CCDC144A: variants seen among roughly 807,000 people sequenced by gnomAD.
CCDC144A encodes the protein coiled-coil domain containing 144A.
A neutral mutation model predicts 143.8 loss-of-function variants in CCDC144A; 41 were observed. The observed-to-expected ratio is 0.29, with a 90% CI of 0.22 to 0.37. CCDC144A has a LOEUF of 0.37. Ranked by LOEUF, CCDC144A falls within the 10% of genes least tolerant of loss-of-function variation. The pLI is 1.00. For synonymous variants in CCDC144A, 242 were observed against 517.9 expected, an observed-to-expected ratio of 0.47 and a Z score of 7.23; for missense variants, 637 against 1,488.8, an observed-to-expected ratio of 0.43 and a Z score of 9.41.
At chr17:16,718,234 C>T (rs1431814395) in intron 6 of CCDC144A, among the ~76,000 whole-genome samples, 6 of 152,038 alleles carry the variant, frequency 3.9e-5, no homozygotes, top group Admixed American at 1.3e-4. Flanking sequence ...AGCATAGATA[C>T]CCCTTGAGGG....
chr17:16,690,676 C>T lies in CCDC144A; in HGVS notation c.276C>T (p.Asp92=). The change falls in exon 1 of 17, where the codon GAC becomes GAT. Residue 92 remains aspartate, a synonymous_variant. Coordinates refer to ENST00000399273, the MANE Select transcript of CCDC144A (RefSeq NM_001382000.1). ...GELHRAARSG[D]VPGVEHILAP... ...TCCACAGAGCTGCCCGGTCGGGCGACGTCCCTGGGGTGGAGCACATCTTAG... is the reference window on the plus strand; with the variant it reads ...TCCACAGAGCTGCCCGGTCGGGCGATGTCCCTGGGGTGGAGCACATCTTAG... The T allele has an allele frequency of 1.9e-6, 3 of 1,613,802 alleles. 1 individual carries two copies. In the South Asian group the frequency reaches 3.3e-5, roughly 18 times the overall value.
chr17:16,729,987 T>TATAG (rs1555533329), intron 9 of CCDC144A, among the ~76,000 whole-genome samples: 2 of 122,738 alleles, frequency 1.6e-5, no homozygotes, highest in Non-Finnish European at 3.6e-5. Context: ...TATATATATA[T>TATAG]ATATACACAC....
At chr17:16,684,071 G>C in the CCDC144A span, 1 of 909,394 alleles carries the variant, frequency 1.1e-6, no homozygotes, top group Non-Finnish European at 1.9e-6. Flanking sequence ...CAATAAACTG[G>C]TTCTGTATAC....
At chr17:16,682,894 T>TG in the CCDC144A span, among the ~76,000 whole-genome samples, 4 of 108,126 alleles carry the variant, frequency 3.7e-5, no homozygotes, top group East Asian at 2.5e-4. Flanking sequence ...TTTTTTTTTT[T>TG]TTTTTTTTTT....
chr17:16,690,368 G>T lies in CCDC144A; in HGVS notation c.-33G>T, dbSNP rs760778514. On this transcript the variant is annotated 5_prime_UTR_variant, in exon 1 of 17. Transcript: ENST00000399273. ...TTGGAAACCGCGGGCTATCCTGCTGGGAGGTTGTGGCCGAGGCAGTAGCTC... is the reference window on the plus strand; with the variant it reads ...TTGGAAACCGCGGGCTATCCTGCTGTGAGGTTGTGGCCGAGGCAGTAGCTC... 5 of 1,466,700 alleles carry T rather than the reference G, an allele frequency of 3.4e-6. No individual in the cohort carries two copies. In the African/African-American group the frequency reaches 5.7e-5, roughly 17 times the overall value. 90.9% of individuals were successfully genotyped at this position (1,466,700 alleles called of 1,614,324 possible). A position where few individuals can be genotyped will look rare whatever the true frequency, so the allele number is the denominator to read the frequency against.
At chr17:16,682,048 A>G in the CCDC144A span, among the ~76,000 whole-genome samples, 29 of 152,234 alleles carry the variant, frequency 1.9e-4, 1 homozygote, top group Admixed American at 1.6e-3. Context: ...ATTTCCCCCA[A>G]GAAATGTCTG....
Position 16,720,613 on chromosome 17 carries a change from G to C in CCDC144A, c.1846G>C (p.Glu616Gln), listed in dbSNP as rs781022499. The C allele has an allele frequency of 3.9e-5, 63 of 1,601,296 alleles. No individual in the cohort carries two copies. Among genetic ancestry groups the C allele is most frequent in the Non-Finnish European group, 3.9e-5 (46 of 1,174,258 alleles). Residue 616 changes from glutamate (E) to glutamine (Q), a missense_variant, in exon 8 of 17, where the codon GAG becomes CAG. Glu to Gln is a conservative substitution (Grantham distance 29). Coordinates refer to ENST00000399273, the MANE Select transcript of CCDC144A (RefSeq NM_001382000.1). ...TTGTGAATTGTCTCACTCTGTTTATGAGAATTTTATGTTGCTGATTGAACA... is the reference window on the plus strand; with the variant it reads ...TTGTGAATTGTCTCACTCTGTTTATCAGAATTTTATGTTGCTGATTGAACA... Reference protein sequence around the residue: ...EDCELSHSVYENFMLLIEQLR... With the variant: ...EDCELSHSVYQNFMLLIEQLR...
intron 15 of CCDC144A, chr17:16,766,930 A>T (rs1392049508): frequency 6.6e-6 from 1 of 152,090 alleles, no homozygotes; most frequent in African/African-American, 2.4e-5. Context: ...AGGCATACCT[A>T]GTTTCCTTGT....
intron 6 of CCDC144A, among the ~76,000 whole-genome samples, chr17:16,716,323 TTG>T (rs1912752185): frequency 6.6e-6 from 1 of 152,046 alleles, no homozygotes. Context: ...TGGGAAATGT[TTG>T]TCTCTTTGTT....
rs144911757 is a variant in CCDC144A at position 16,752,222 on chromosome 17, G to A, written c.3373-9203G>A. Among the ~76,000 whole-genome samples, 1,054 of 152,318 alleles carry A rather than the reference G, an allele frequency of 6.9e-3. 18 individuals are homozygous for A. Among genetic ancestry groups the A allele is most frequent in the African/African-American group, 0.024 (1,006 of 41,564 alleles). On this transcript the variant is annotated intron_variant, in intron 12 of 16. Transcript: ENST00000399273. ...TTCTCATAGGAGCGCGAGCCGTGTTGTGAACTGTGCACGTGAGGGATCTAG... is the reference window on the plus strand; with the variant it reads ...TTCTCATAGGAGCGCGAGCCGTGTTATGAACTGTGCACGTGAGGGATCTAG...
chr17:16,768,591 T>A (rs1915701637), intron 15 of CCDC144A, among the ~76,000 whole-genome samples: 1 of 152,282 alleles, frequency 6.6e-6, no homozygotes. Context: ...TGATTTTTAC[T>A]TATAGGTTTC....
chr17:16,681,674 C>A, the CCDC144A span, among the ~76,000 whole-genome samples: 1 of 151,914 alleles, frequency 6.6e-6, no homozygotes, highest in Admixed American at 6.6e-5. Flanking sequence ...GTCTGGCCAA[C>A]ATGGAGAAAC....
chr17:16,682,903 T>TGG, the CCDC144A span, among the ~76,000 whole-genome samples: 1 of 117,008 alleles, frequency 8.5e-6, no homozygotes, highest in African/African-American at 3.3e-5. Flanking sequence ...TTTTTTTTTT[T>TGG]TTTTTTTTTT....
chr17:16,721,104 C>A (rs987901448), intron 8 of CCDC144A, among the ~76,000 whole-genome samples: 2 of 152,146 alleles, frequency 1.3e-5, no homozygotes, highest in African/African-American at 4.8e-5. Flanking sequence ...AGATCTGAAT[C>A]CTCTAGCTTT....
rs1169604954 is a variant in CCDC144A, at chr17:16,764,001, T to G, written c.3924T>G (p.Leu1308=). Residue 1308 remains leucine, a synonymous_variant, in exon 15 of 17, where the codon CTT becomes CTG. Coordinates refer to ENST00000399273, the MANE Select transcript of CCDC144A (RefSeq NM_001382000.1). ...TGATAGCAGAGGTCAGTACGCAACT[T>G]ACTGTGGAGAAAGAGCAGACCAGAT... ...NEMIAEVSTQ[L]TVEKEQTRSR... is the part of the protein sequence containing the mutation. 6.2e-7 allele frequency: 1 copy of G among 1,613,186 alleles called. No homozygotes were observed. The highest frequency in any genetic ancestry group is 1.7e-5 in the Admixed American group (1 of 59,754).
chr17:16,761,061 C>G (rs868436658), intron 12 of CCDC144A, among the ~76,000 whole-genome samples: 1 of 150,804 alleles, frequency 6.6e-6, no homozygotes, highest in Admixed American at 6.6e-5. Context: ...GGCGCGGTGG[C>G]TCACGTCTGT....
rs778174396 is a variant in CCDC144A, at chr17:16,764,187, T to G, written c.4098+12T>G. 6.3e-7 allele frequency: 1 copy of G among 1,596,806 alleles called. No homozygotes were observed. The highest frequency in any genetic ancestry group is 1.3e-5 in the African/African-American group (1 of 74,648). On this transcript the variant is annotated intron_variant, in intron 15 of 16. Transcript: ENST00000399273. ...GCTACTTGTTGAAGGTTAGCTATCTTTTTTCCTTCGGCGTTCAGATTTCTG... is the reference window on the plus strand; with the variant it reads ...GCTACTTGTTGAAGGTTAGCTATCTGTTTTCCTTCGGCGTTCAGATTTCTG...
At position 16,757,202 on chromosome 17, in the gene CCDC144A, G is replaced by A. The variant is rs533942091; in HGVS notation, c.3373-4223G>A. On this transcript the variant is annotated intron_variant, in intron 12 of 16. Coordinates refer to ENST00000399273, the MANE Select transcript of CCDC144A (RefSeq NM_001382000.1). ...GCACTGGAGATGACAGTAGCAGCTG[G>A]GGGCCGGACCTTGGATCCCTTGGTA... Among the ~76,000 whole-genome samples, 28 of 152,376 alleles carry A rather than the reference G, an allele frequency of 1.8e-4. No individual in the cohort carries two copies. In the Middle Eastern group the frequency reaches 0.02, roughly 111 times the overall value.
upstream of CCDC144A, among the ~76,000 whole-genome samples, chr17:16,688,484 GTTTTTTTTTTTT>G (rs66493875): frequency 1.4e-5 from 1 of 71,624 alleles, no homozygotes; most frequent in African/African-American, 5.3e-5. Flanking sequence ...TTCTTTTTCT[GTTTTTTTTTTTT>G]TTTTTTTTTT....
Sources: allele counts gnomAD v4.1 joint callset (sites outside exome capture counted in the v4.1 genomes callset), GRCh38; gene constraint gnomAD v4.1.1; transcripts MANE v1.5; gene names NCBI Gene and HGNC (gene_info 2026-07-23, HGNC 2026-07-21).